IGF2BP2: variants seen among roughly 807,000 people sequenced by gnomAD.
IGF2BP2 encodes the protein insulin-like growth factor 2 mRNA-binding protein 2.
Under a neutral mutation model 75.8 loss-of-function variants are expected in IGF2BP2, and 17 were observed. The observed-to-expected ratio is 0.22, with a 90% CI of 0.15 to 0.34. The LOEUF is 0.34. Ranked by LOEUF, IGF2BP2 falls within the 10% of genes least tolerant of loss-of-function variation. The probability of loss-of-function intolerance (pLI) is 1.00; values close to 1 mark genes in which losing one functional copy is unlikely to be tolerated. For synonymous variants in IGF2BP2, 288 were observed against 295.6 expected, an observed-to-expected ratio of 0.97 and a Z score of 0.26; for missense variants, 516 against 772.4, an observed-to-expected ratio of 0.67 and a Z score of 3.93.
chr3:185,816,387 T>C (rs1740610560), intron 2 of IGF2BP2, among the ~76,000 whole-genome samples: 1 of 152,156 alleles, frequency 6.6e-6, no homozygotes, highest in Admixed American at 6.5e-5. Context: ...TTTCTAACTA[T>C]TTTTTTCTAA....
intron 2 of IGF2BP2, among the ~76,000 whole-genome samples, chr3:185,811,153 A>G (rs1278621977): frequency 6.6e-6 from 1 of 152,146 alleles, no homozygotes; most frequent in East Asian, 1.9e-4. Context: ...AATGTAGGGT[A>G]CTTTATAATG....
chr3:185,679,948 C>T (rs916090367), intron 7 of IGF2BP2, among the ~76,000 whole-genome samples: 2 of 152,034 alleles, frequency 1.3e-5, no homozygotes, highest in Non-Finnish European at 2.9e-5. Context: ...AAGAACTAAA[C>T]CCAAAACCAG....
chr3:185,669,868 CA>C (rs1015358566), intron 10 of IGF2BP2, among the ~76,000 whole-genome samples: 19 of 152,268 alleles, frequency 1.2e-4, no homozygotes, highest in African/African-American at 3.9e-4. Context: ...GGGAAGCCCA[CA>C]GGTCTGCTGG....
intron 2 of IGF2BP2, among the ~76,000 whole-genome samples, chr3:185,705,112 C>T (rs929720606): frequency 2.0e-5 from 3 of 152,190 alleles, no homozygotes; most frequent in South Asian, 2.1e-4. Flanking sequence ...AGGGCTCCCC[C>T]GCAAGACGCA....
intron 2 of IGF2BP2, among the ~76,000 whole-genome samples, chr3:185,725,315 G>T (rs1350908334): frequency 2.0e-5 from 3 of 152,196 alleles, no homozygotes; most frequent in Non-Finnish European, 2.9e-5. Flanking sequence ...TTTGAAAGTG[G>T]TGAAAAAGCA....
At chr3:185,679,937 A>AT (rs1332859604) in intron 7 of IGF2BP2, among the ~76,000 whole-genome samples, 1 of 152,184 alleles carries the variant, frequency 6.6e-6, no homozygotes, top group Non-Finnish European at 1.5e-5. Flanking sequence ...TTCAACTTGA[A>AT]AAGAACTAAA....
chr3:185,649,166 G>T (rs181700817), intron 14 of IGF2BP2, among the ~76,000 whole-genome samples: 1 of 152,188 alleles, frequency 6.6e-6, no homozygotes, highest in Non-Finnish European at 1.5e-5. Context: ...TTTTGGTGCT[G>T]GGCTTACAGC....
In IGF2BP2 at chr3:185,679,639, G is replaced by A. The variant is rs192081002; in HGVS notation, c.813-3726C>T. 5.0e-3 allele frequency among the ~76,000 whole-genome samples: 764 copies of A among 151,338 alleles called. 7 individuals are homozygous for A. The highest frequency in any genetic ancestry group is 0.019 in the South Asian group (89 of 4,750). Reference sequence around the variant, plus strand: ...TTCGTTTTCTTTCTTTTTTTGAGATGGAGTTTCACTCTTTTTGCCCAGGCT... The same window carrying A: ...TTCGTTTTCTTTCTTTTTTTGAGATAGAGTTTCACTCTTTTTGCCCAGGCT... On this transcript the variant is annotated intron_variant, in intron 7 of 15. Coordinates refer to ENST00000382199, the MANE Select transcript of IGF2BP2 (RefSeq NM_006548.6).
intron 14 of IGF2BP2, among the ~76,000 whole-genome samples, chr3:185,648,290 C>T (rs1713952350): frequency 1.3e-5 from 2 of 151,982 alleles, no homozygotes; most frequent in African/African-American, 4.8e-5. Flanking sequence ...GGTGAAACCC[C>T]GTCTATACTA....
At chr3:185,724,089 A>G (rs74452831) in intron 2 of IGF2BP2, among the ~76,000 whole-genome samples, 9,413 of 152,232 alleles carry the variant, frequency 0.062, 347 homozygotes, top group African/African-American at 0.083. Context: ...AAAAAGTCCT[A>G]AGTGGCACCA....
intron 2 of IGF2BP2, among the ~76,000 whole-genome samples, chr3:185,756,649 G>A (rs560960386): frequency 3.5e-4 from 54 of 152,134 alleles, no homozygotes; most frequent in South Asian, 1.5e-3. Flanking sequence ...CTATGGCCAC[G>A]TGTTTTGATA....
chr3:185,812,162 C>T (rs1006420966), intron 2 of IGF2BP2, among the ~76,000 whole-genome samples: 17 of 152,122 alleles, frequency 1.1e-4, no homozygotes, highest in Admixed American at 7.9e-4. Context: ...CTCCTGTGTT[C>T]GTGGAGCCCC....
At chr3:185,701,336 T>A (rs1320027057) in intron 2 of IGF2BP2, among the ~76,000 whole-genome samples, 1 of 149,846 alleles carries the variant, frequency 6.7e-6, no homozygotes, top group Non-Finnish European at 1.5e-5. Context: ...ACAAGACTTA[T>A]TTTTTTTAAA....
chr3:185,728,359 T>C (rs1727654457), intron 2 of IGF2BP2: 1 of 152,376 alleles, frequency 6.6e-6, no homozygotes, highest in African/African-American at 2.4e-5. Context: ...GATTCACCAA[T>C]CCCTGTTAAG....
At chr3:185,749,782 C>G (rs533457652) in intron 2 of IGF2BP2, among the ~76,000 whole-genome samples, 1 of 152,274 alleles carries the variant, frequency 6.6e-6, no homozygotes, top group South Asian at 2.1e-4. Context: ...TTTCAATTAA[C>G]AAAGTTGCAG....
intron 5 of IGF2BP2, among the ~76,000 whole-genome samples, chr3:185,692,160 G>A (rs1722032207): frequency 1.3e-5 from 2 of 152,184 alleles, no homozygotes; most frequent in African/African-American, 2.4e-5. Flanking sequence ...CAAACCAGGT[G>A]CTATTGAGTA....
At chr3:185,734,051 A>C (rs942016482) in intron 2 of IGF2BP2, among the ~76,000 whole-genome samples, 1 of 152,166 alleles carries the variant, frequency 6.6e-6, no homozygotes, top group Non-Finnish European at 1.5e-5. Context: ...TTTTCACAAG[A>C]ACCCTTAACC....
rs542309391 is a variant in IGF2BP2 at position 185,688,227 on chromosome 3, A to G, written c.678-1036T>C. ...GTACCAGCCCATGTAAATAATTATT[A>G]TGTGTCAGTAATTGGGTGCTTTGCA... On this transcript the variant is annotated intron_variant, in intron 6 of 15. Transcript: ENST00000382199. 5.3e-5 allele frequency among the ~76,000 whole-genome samples: 8 copies of G among 152,358 alleles called. No individual in the cohort carries two copies. The South Asian group carries it at 1.2e-3, about 24-fold the overall frequency.
chr3:185,660,331 A>G (rs1382314979), intron 10 of IGF2BP2, among the ~76,000 whole-genome samples: 3 of 152,220 alleles, frequency 2.0e-5, no homozygotes, highest in African/African-American at 7.2e-5. Flanking sequence ...CTTTCACTTG[A>G]GGATCCCTGA....
Sources: allele counts gnomAD v4.1 joint callset (sites outside exome capture counted in the v4.1 genomes callset), GRCh38; gene constraint gnomAD v4.1.1; transcripts MANE v1.5; gene names NCBI Gene and HGNC (gene_info 2026-07-23, HGNC 2026-07-21).